The following SNX24 variants were observed in gnomAD, a reference collection of about 807,000 sequenced individuals.
SNX24 encodes the protein sorting nexin-24.
A neutral mutation model predicts 28.7 loss-of-function variants in SNX24; 22 were observed. The observed-to-expected ratio is 0.77, with a 90% CI of 0.55 to 1.10. SNX24 has a LOEUF of 1.10. Among genes scored for constraint, SNX24 ranks in the 50% least tolerant of loss-of-function variants. SNX24 has a pLI of 0.00. For synonymous variants in SNX24, 69 were observed against 71.5 expected (o/e 0.96, Z 0.18); for missense variants, 221 against 201.1 (o/e 1.10, Z -0.60).
intron 3 of SNX24, among the ~76,000 whole-genome samples, chr5:122,947,764 T>C (rs1725002850): frequency 6.6e-6 from 1 of 152,186 alleles, no homozygotes; most frequent in South Asian, 2.1e-4. Flanking sequence ...TTAAATGGAA[T>C]AGGTAAACAA....
chr5:122,938,006 C>T (rs1759250498), intron 2 of SNX24, among the ~76,000 whole-genome samples: 1 of 152,128 alleles, frequency 6.6e-6, no homozygotes, highest in African/African-American at 2.4e-5. Flanking sequence ...CCTTGCCCAG[C>T]CTCTGTTGAC....
At chr5:122,980,514 C>T (rs995225735) in intron 3 of SNX24, among the ~76,000 whole-genome samples, 1 of 151,954 alleles carries the variant, frequency 6.6e-6, no homozygotes, top group Non-Finnish European at 1.5e-5. Context: ...TTACTTTCTT[C>T]TATAACAAAA....
At chr5:122,984,703 T>G (rs1368121839) in intron 3 of SNX24, among the ~76,000 whole-genome samples, 1 of 152,232 alleles carries the variant, frequency 6.6e-6, no homozygotes, top group Non-Finnish European at 1.5e-5. Flanking sequence ...GTTGCAAAAT[T>G]GTACTCAAGA....
At chr5:122,858,437 G>A (rs974300064) in intron 1 of SNX24, among the ~76,000 whole-genome samples, 1 of 152,220 alleles carries the variant, frequency 6.6e-6, no homozygotes, top group Admixed American at 6.5e-5. Context: ...ACAAGGTAAA[G>A]CCTGTATCTG....
At position 123,008,489 on chromosome 5, in the gene SNX24, A is replaced by G. The variant is rs1038134396; in HGVS notation, c.*740A>G. ...AAGTAGCTTTTCCTCCTATGTTGGA[A>G]AAAAAGACTGTTTCTTTGTTTGAAG... On this transcript the variant is annotated 3_prime_UTR_variant, in exon 7 of 7. Transcript: ENST00000261369. 3.0e-5 allele frequency: 5 copies of G among 166,258 alleles called. No homozygotes were observed. Among genetic ancestry groups the G allele is most frequent in the African/African-American group, 1.2e-4 (5 of 41,712 alleles). The allele number at this position is 166,258 out of a possible 1,614,324, so 10.3% of individuals were successfully genotyped here. A position where few individuals can be genotyped will look rare whatever the true frequency, so the allele number is the denominator to read the frequency against.
In SNX24 at chr5:122,914,004, G is replaced by T. The variant is rs1758047236; in HGVS notation, c.61-22730G>T. ...GCGCACCTGCAATCGCAGGCACTCG[G>T]CAGGCTGAGGCAGGAGAATCAGGCA... On this transcript the variant is annotated intron_variant, in intron 1 of 6. Coordinates refer to ENST00000261369, the MANE Select transcript of SNX24 (RefSeq NM_014035.4). 3.9e-5 allele frequency among the ~76,000 whole-genome samples: 6 copies of T among 152,152 alleles called. No homozygotes were observed. The South Asian group carries it at 8.3e-4, about 21-fold the overall frequency.
chr5:122,946,671 A>G (rs1759701984), intron 3 of SNX24, among the ~76,000 whole-genome samples: 2 of 152,312 alleles, frequency 1.3e-5, no homozygotes, highest in African/African-American at 2.4e-5. Flanking sequence ...GAAAGAATGC[A>G]CTGGGACACT....
At chr5:123,029,120 TC>T in intron 5 of SNX24, 1 of 1,113,828 alleles carries the variant, frequency 9.0e-7, no homozygotes, top group Non-Finnish European at 1.3e-6. Context: ...GATGATTTTC[TC>T]CCAATTTCCA....
chr5:122,908,151 C>T (rs1394066101), intron 1 of SNX24, among the ~76,000 whole-genome samples: 1 of 152,200 alleles, frequency 6.6e-6, no homozygotes, highest in South Asian at 2.1e-4. Flanking sequence ...CCATTAAGCT[C>T]TTGTGTACGG....
intron 3 of SNX24, among the ~76,000 whole-genome samples, chr5:122,990,948 G>A (rs965315133): frequency 1.3e-5 from 2 of 152,144 alleles, no homozygotes; most frequent in Non-Finnish European, 2.9e-5. Context: ...GTTGTCTGGA[G>A]TGCAGTGGCC....
At chr5:122,990,831 C>G (rs537873180) in intron 3 of SNX24, among the ~76,000 whole-genome samples, 2 of 152,012 alleles carry the variant, frequency 1.3e-5, no homozygotes, top group East Asian at 3.8e-4. Context: ...TATTAAATAC[C>G]GTAGTCTCCT....
chr5:122,858,024 G>A (rs562900627), intron 1 of SNX24, among the ~76,000 whole-genome samples: 11 of 152,178 alleles, frequency 7.2e-5, no homozygotes, highest in African/African-American at 2.6e-4. Flanking sequence ...CTCATGATCC[G>A]CCCACCTCGG....
intron 2 of SNX24, among the ~76,000 whole-genome samples, chr5:122,941,845 C>T (rs370021922): frequency 7.9e-5 from 12 of 152,250 alleles, no homozygotes; most frequent in African/African-American, 2.9e-4. Context: ...TGCCCTGATA[C>T]CTTTGTAGCT....
chr5:122,860,545 C>T (rs368765476), intron 1 of SNX24, among the ~76,000 whole-genome samples: 1 of 152,180 alleles, frequency 6.6e-6, no homozygotes, highest in African/African-American at 2.4e-5. Context: ...GGGGCACTAA[C>T]AGTGAGAGGT....
intron 2 of SNX24, among the ~76,000 whole-genome samples, chr5:122,944,985 C>T (rs940776040): frequency 2.0e-5 from 3 of 152,056 alleles, no homozygotes; most frequent in African/African-American, 7.2e-5. Flanking sequence ...AACAAATTAC[C>T]ATAAATGTAG....
chr5:122,854,844 A>C (rs984308907), intron 1 of SNX24, among the ~76,000 whole-genome samples: 1 of 152,230 alleles, frequency 6.6e-6, no homozygotes, highest in Admixed American at 6.5e-5. Context: ...TTTTTGGTTT[A>C]ATAATGCATA....
intron 1 of SNX24, among the ~76,000 whole-genome samples, chr5:122,905,723 C>G (rs907876355): frequency 1.3e-5 from 2 of 152,200 alleles, no homozygotes; most frequent in Non-Finnish European, 2.9e-5. Context: ...AGATCCTCCT[C>G]TCTTTCCAAC....
intron 3 of SNX24, among the ~76,000 whole-genome samples, chr5:122,981,011 G>A (rs1346743321): frequency 2.6e-5 from 4 of 151,992 alleles, no homozygotes; most frequent in African/African-American, 7.3e-5. Flanking sequence ...ATGATATCGT[G>A]GGGAATATAC....
chr5:122,908,987 G>A (rs544454218), intron 1 of SNX24, among the ~76,000 whole-genome samples: 24 of 152,266 alleles, frequency 1.6e-4, no homozygotes, highest in African/African-American at 5.5e-4. Flanking sequence ...GAAAGGTTGT[G>A]ATTGCGAGAC....
Sources: allele counts gnomAD v4.1 joint callset (sites outside exome capture counted in the v4.1 genomes callset), GRCh38; gene constraint gnomAD v4.1.1; transcripts MANE v1.5; gene names NCBI Gene and HGNC (gene_info 2026-07-23, HGNC 2026-07-21).